Variants in TULP4 observed in about 807,000 individuals in gnomAD.
TULP4 encodes the protein TUB like protein 4.
In TULP4, 16 loss-of-function variants were observed where a neutral mutation model predicts 129.0. The ratio of observed to expected loss-of-function variants is 0.12; its 90% CI spans 0.08 to 0.19. The LOEUF is 0.19. Among genes scored for constraint, TULP4 ranks in the 10% least tolerant of loss-of-function variants. The probability of loss-of-function intolerance (pLI) is 1.00; values close to 1 mark genes in which losing one functional copy is unlikely to be tolerated. For synonymous variants in TULP4, 998 were observed against 854.0 expected (o/e 1.17, Z -2.94); for missense variants, 1,842 against 2,059.1 (o/e 0.89, Z 2.04).
At chr6:158,331,712 C>T (rs1250901120) in intron 1 of TULP4, among the ~76,000 whole-genome samples, 24 of 24,094 alleles carry the variant, frequency 1.0e-3, no homozygotes, top group East Asian at 3.7e-3. Flanking sequence ...CACACACACA[C>T]ACACACACAC....
chr6:158,502,688 C>G lies in TULP4; in HGVS notation c.3025C>G (p.Leu1009Val). 1 of 1,558,028 alleles carries G rather than the reference C, an allele frequency of 6.4e-7. No homozygotes were observed. The highest frequency in any genetic ancestry group is 8.6e-7 in the Non-Finnish European group (1 of 1,157,266). Reference sequence around the variant, plus strand: ...GCTGGCCGACAGCCCGCGGGCCCCCCTGCAGCCCCTGGCCAAGTCCAAGGG... The same window carrying G: ...GCTGGCCGACAGCCCGCGGGCCCCCGTGCAGCCCCTGGCCAAGTCCAAGGG... ...AQLADSPRAP[L>V]QPLAKSKGGP... The change falls in exon 13 of 14, where the codon CTG becomes GTG. Residue 1009 changes from leucine (L) to valine (V), a missense_variant. Around this residue, in one of 5 missense-constraint regions of TULP4, gnomAD observed 1,089 missense variants for 987.1 expected, o/e 1.10. Transcript: ENST00000367097.
intron 5 of TULP4, 97 bp from the exon 6 acceptor site, chr6:158,461,466 T>G (rs7742091): frequency 1.9e-5 from 21 of 1,119,750 alleles, no homozygotes; most frequent in Non-Finnish European, 2.4e-5. Flanking sequence ...ATTTGCTCAG[T>G]GTCTGTATTT....
chr6:158,298,868 G>A (rs1034504866), intron 1 of TULP4, among the ~76,000 whole-genome samples: 20 of 152,302 alleles, frequency 1.3e-4, no homozygotes, highest in African/African-American at 4.1e-4. Flanking sequence ...CGGGGATGCC[G>A]AACAGGTAGA....
In TULP4 at chr6:158,481,048, C is replaced by A. The variant is rs372998085; in HGVS notation, c.1252-7C>A. 1 of 1,548,210 alleles carries A rather than the reference C, an allele frequency of 6.5e-7. No homozygotes were observed. The highest frequency in any genetic ancestry group is 1.2e-5 in the South Asian group (1 of 80,844). ...CCAGCTCTTCATTTTCTTCCTGTAT[C>A]CTCCAGCCCCCAATTCCAGATCCGA... On this transcript the variant is annotated splice_region_variant and splice_polypyrimidine_tract_variant and intron_variant, in intron 7 of 13. Transcript: ENST00000367097.
intron 2 of TULP4, among the ~76,000 whole-genome samples, chr6:158,417,649 T>C (rs341152): frequency 0.24 from 36,412 of 152,120 alleles, 5,642 homozygotes; most frequent in Middle Eastern, 0.35. Context: ...AACTGGTGGC[T>C]TTCTGCACCT....
chr6:158,468,021 T>C (rs1478038664), intron 6 of TULP4, among the ~76,000 whole-genome samples: 1 of 152,174 alleles, frequency 6.6e-6, no homozygotes, highest in East Asian at 1.9e-4. Flanking sequence ...AACGGATGAA[T>C]AAAAGTACAC....
At chr6:158,426,003 G>A (rs894767072) in intron 2 of TULP4, among the ~76,000 whole-genome samples, 2 of 152,152 alleles carry the variant, frequency 1.3e-5, no homozygotes, top group Non-Finnish European at 2.9e-5. Flanking sequence ...TTTTAAATAT[G>A]CTTGTTGGCT....
At chr6:158,366,118 T>A (rs1337564182) in intron 1 of TULP4, among the ~76,000 whole-genome samples, 1 of 150,360 alleles carries the variant, frequency 6.7e-6, no homozygotes, top group African/African-American at 2.4e-5. Context: ...TTAGCCAGGA[T>A]GGTCTCGATC....
rs759387306 is a variant in TULP4 at position 158,502,063 on chromosome 6, G to A, written c.2400G>A (p.Lys800=). The change falls in exon 13 of 14, where the codon AAG becomes AAA. Residue 800 remains lysine, a synonymous_variant. Transcript: ENST00000367097. The part of the protein sequence containing the change: ...HGDRDHEHLQ[K]SAKALRPTPQ... ...ACCGAGACCACGAACACCTGCAGAAGTCAGCCAAGGCCCTGCGGCCAACAC... is the reference window on the plus strand; with the variant it reads ...ACCGAGACCACGAACACCTGCAGAAATCAGCCAAGGCCCTGCGGCCAACAC... 3.1e-6 allele frequency: 5 copies of A among 1,613,380 alleles called. No homozygotes were observed. In the East Asian group the frequency reaches 8.9e-5, roughly 29 times the overall value.
chr6:158,252,664 G>A lies in TULP4; in HGVS notation n.68+20361G>A, dbSNP rs147267063. 4.9e-3 allele frequency among the ~76,000 whole-genome samples: 747 copies of A among 152,266 alleles called. 4 individuals carry two copies. Among genetic ancestry groups the A allele is most frequent in the Middle Eastern group, 0.014 (4 of 294 alleles). The stretch of plus-strand genomic sequence containing the variant: ...GCTGGGATTACAGGTGTGAGCCACC[G>A]CGCCCAGCCAGCATCTTACATAACT... On this transcript the variant is annotated intron_variant and non_coding_transcript_variant, in intron 1 of 1. Transcript: ENST00000620026.
intron 3 of TULP4, among the ~76,000 whole-genome samples, chr6:158,437,606 T>C (rs917028461): frequency 6.6e-6 from 1 of 152,156 alleles, no homozygotes; most frequent in African/African-American, 2.4e-5. Flanking sequence ...TATGCAGATG[T>C]CTTTTCAGAG....
At chr6:158,234,086 G>A (rs969129906) in intron 1 of TULP4, among the ~76,000 whole-genome samples, 3 of 152,144 alleles carry the variant, frequency 2.0e-5, no homozygotes, top group Non-Finnish European at 4.4e-5. Flanking sequence ...TGAGAAATAC[G>A]AACTTTATGC....
At chr6:158,246,491 CAAA>C (rs72465395) in intron 1 of TULP4, among the ~76,000 whole-genome samples, 1 of 119,868 alleles carries the variant, frequency 8.3e-6, no homozygotes. Context: ...GACTCCATCT[CAAA>C]AAAAAAAAAA....
At chr6:158,427,471 CTTTTTTTTTTTTTTTTTTTTTTTTTT>C (rs557678837) in intron 2 of TULP4, among the ~76,000 whole-genome samples, 42 of 74,136 alleles carry the variant, frequency 5.7e-4, no homozygotes, top group Non-Finnish European at 5.4e-4. Flanking sequence ...ATTATCAGAC[CTTTTTTTTTTTTTTTTTTTTTTTTTT>C]TTTTTTTTTT....
chr6:158,343,096 G>T (rs1042152330), intron 1 of TULP4, among the ~76,000 whole-genome samples: 4 of 152,000 alleles, frequency 2.6e-5, no homozygotes, highest in African/African-American at 9.7e-5. Flanking sequence ...GTGTTCAGGG[G>T]CCTCCAGGAG....
At chr6:158,361,821 T>C (rs1780796810) in intron 1 of TULP4, among the ~76,000 whole-genome samples, 1 of 152,210 alleles carries the variant, frequency 6.6e-6, no homozygotes, top group East Asian at 1.9e-4. Context: ...TTCCTTCTAA[T>C]AAAGAGTGTA....
chr6:158,316,118 A>G (rs1289787848), intron 1 of TULP4, among the ~76,000 whole-genome samples: 1 of 152,132 alleles, frequency 6.6e-6, no homozygotes, highest in African/African-American at 2.4e-5. Context: ...TGTTGTGTAT[A>G]TTATTAGTTT....
intron 1 of TULP4, among the ~76,000 whole-genome samples, chr6:158,243,436 T>C (rs866342211): frequency 6.9e-6 from 1 of 143,944 alleles, no homozygotes; most frequent in Middle Eastern, 3.6e-3. Context: ...TGTGTGTGTG[T>C]GTGTTTATAT....
intron 1 of TULP4, among the ~76,000 whole-genome samples, chr6:158,239,062 C>A (rs1339252351): frequency 1.6e-5 from 2 of 127,380 alleles, no homozygotes; most frequent in African/African-American, 5.5e-5. Flanking sequence ...GGGGGCTGAC[C>A]CCCCCACCTC....
Sources: allele counts gnomAD v4.1 joint callset (sites outside exome capture counted in the v4.1 genomes callset), GRCh38; gene constraint gnomAD v4.1.1; regional missense constraint gnomAD v4.1.1; transcripts MANE v1.5; gene names NCBI Gene and HGNC (gene_info 2026-07-23, HGNC 2026-07-21).